The following TTC21A variants were observed in gnomAD, a reference collection of about 807,000 sequenced individuals.
TTC21A encodes tetratricopeptide repeat domain 21A.
A neutral mutation model predicts 156.4 loss-of-function variants in TTC21A; 128 were observed. The ratio of observed to expected loss-of-function variants is 0.82; its 90% CI spans 0.71 to 0.95. The LOEUF (loss-of-function observed/expected upper bound fraction) is 0.95. Among genes scored for constraint, TTC21A ranks in the 40% least tolerant of loss-of-function variants. TTC21A has a pLI of 0.00. For synonymous variants in TTC21A, 587 were observed against 617.1 expected (o/e 0.95, Z 0.72); for missense variants, 1,435 against 1,602.3 (o/e 0.90, Z 1.78).
intron 1 of TTC21A, 25 bp downstream of exon 1, chr3:39,107,889 G>A: frequency 1.2e-6 from 2 of 1,611,364 alleles, no homozygotes; most frequent in Non-Finnish European, 1.7e-6. Context: ...CGCTGTCCGA[G>A]GGCTCCCTCG....
chr3:39,112,413 T>C (rs2036912271), intron 4 of TTC21A, 45 bp from the exon 5 acceptor site: 1 of 1,606,258 alleles, frequency 6.2e-7, no homozygotes, highest in African/African-American at 1.3e-5. Flanking sequence ...GAGTTGATTC[T>C]GTGCAGGACC....
intron 13 of TTC21A, 39 bp downstream of exon 13, chr3:39,128,527 G>C: frequency 6.2e-7 from 1 of 1,612,374 alleles, no homozygotes; most frequent in Non-Finnish European, 8.5e-7. Flanking sequence ...CCAAAGCCCA[G>C]CTAGCTGTGG....
intron 6 of TTC21A, among the ~76,000 whole-genome samples, chr3:39,116,146 G>T (rs768121816): frequency 1.3e-5 from 2 of 152,254 alleles, no homozygotes; most frequent in Non-Finnish European, 2.9e-5. Context: ...GTGCCCATGT[G>T]CAGGGAGACA....
intron 1 of TTC21A, 71 bp downstream of exon 1, chr3:39,107,935 T>A (rs2036364166): frequency 1.1e-5 from 18 of 1,571,018 alleles, no homozygotes; most frequent in Admixed American, 5.1e-5. Context: ...CCGTCTGCCC[T>A]GCTACTCTCC....
intron 7 of TTC21A, 98 bp from the exon 8 acceptor site, chr3:39,119,824 T>C (rs2037606474): frequency 1.3e-6 from 1 of 799,040 alleles, no homozygotes; most frequent in South Asian, 1.7e-5. Context: ...ATTTTTTAAA[T>C]CTCCCAGCTG....
intron 5 of TTC21A, 66 bp downstream of exon 5, chr3:39,112,646 A>G (rs954874054): frequency 4.4e-6 from 7 of 1,587,470 alleles, no homozygotes; most frequent in Admixed American, 1.8e-5. Flanking sequence ...GAGACCCACC[A>G]GGTACCCCCA....
chr3:39,136,014 C>T (rs1469670216), intron 22 of TTC21A, among the ~76,000 whole-genome samples: 2 of 150,872 alleles, frequency 1.3e-5, no homozygotes, highest in Non-Finnish European at 2.9e-5. Context: ...GCCGAGATCA[C>T]GCCACTGCAC....
chr3:39,120,630 T>C (rs2037691528), intron 8 of TTC21A, among the ~76,000 whole-genome samples: 1 of 152,228 alleles, frequency 6.6e-6, no homozygotes, highest in African/African-American at 2.4e-5. Flanking sequence ...CTCTGCCTTG[T>C]TCTCCACACA....
intron 7 of TTC21A, chr3:39,119,097 T>C (rs1338990887): frequency 6.6e-6 from 1 of 152,228 alleles, no homozygotes; most frequent in Non-Finnish European, 1.5e-5. Flanking sequence ...AGACTTAGCA[T>C]TTAGCTAACT....
At position 39,128,952 on chromosome 3, in the gene TTC21A, C is replaced by T; in HGVS notation, c.1896+20C>T. On this transcript the variant is annotated intron_variant, in intron 14 of 28. Coordinates refer to ENST00000683103, the MANE Select transcript of TTC21A (RefSeq NM_001366900.1). ...GAGCTAGTAAGAAATGCCGTGCTCT[C>T]TTCCCTGGGGACTGGGGCACACTGG... 1 of 1,613,614 alleles carries T rather than the reference C, an allele frequency of 6.2e-7. No homozygotes were observed. The highest frequency in any genetic ancestry group is 2.2e-5 in the East Asian group (1 of 44,866).
intron 8 of TTC21A, 46 bp from the exon 9 acceptor site, chr3:39,120,951 G>C (rs1371883155): frequency 2.6e-6 from 4 of 1,542,810 alleles, no homozygotes; most frequent in Middle Eastern, 1.8e-4. Flanking sequence ...GCTCATACAG[G>C]CTGGACTGAC....
rs780177609 is a variant in TTC21A, at chr3:39,133,248, G to A, written c.2751+8G>A. Reference sequence around the variant, plus strand: ...TTGCCAACTGACAATAAGGTGAGTGGCCCTCAAAGCAAGAGGCTGCTTTCT... The same window carrying A: ...TTGCCAACTGACAATAAGGTGAGTGACCCTCAAAGCAAGAGGCTGCTTTCT... On this transcript the variant is annotated splice_region_variant and intron_variant, in intron 20 of 28. Transcript: ENST00000683103. 8 of 1,610,286 alleles carry A rather than the reference G, an allele frequency of 5.0e-6. No individual in the cohort carries two copies. The Admixed American group carries it at 1.3e-4, about 27-fold the overall frequency.
chr3:39,137,785 C>T, intron 26 of TTC21A, 75 bp downstream of exon 26: 1 of 1,478,300 alleles, frequency 6.8e-7, no homozygotes, highest in Non-Finnish European at 9.2e-7. Context: ...GTGAAGCAGG[C>T]TTTGCAGGTA....
intron 4 of TTC21A, among the ~76,000 whole-genome samples, chr3:39,112,225 A>G (rs1162829386): frequency 6.6e-6 from 1 of 152,106 alleles, no homozygotes; most frequent in Non-Finnish European, 1.5e-5. Flanking sequence ...GTGGTAATGG[A>G]CATTAGGTGA....
chr3:39,122,593 A>G (rs2125805389), intron 9 of TTC21A, among the ~76,000 whole-genome samples: 1 of 152,286 alleles, frequency 6.6e-6, no homozygotes, highest in Admixed American at 6.5e-5. Flanking sequence ...AGTGAGAGCG[A>G]TAATAGGAGG....
At chr3:39,138,113 G>T (rs568215044) in intron 26 of TTC21A, 154 bp from the exon 27 acceptor site, 14 of 1,120,816 alleles carry the variant, frequency 1.2e-5, no homozygotes, top group Admixed American at 7.4e-5. Context: ...TTCTTGCAAA[G>T]GTTGGGGTAC....
intron 3 of TTC21A, 142 bp from the exon 4 acceptor site, chr3:39,110,709 C>A: frequency 1.2e-6 from 1 of 815,652 alleles, no homozygotes; most frequent in Non-Finnish European, 1.9e-6. Flanking sequence ...GGGCTGCATG[C>A]GGTGTGCTGC....
intron 5 of TTC21A, among the ~76,000 whole-genome samples, chr3:39,113,344 T>C (rs1343811665): frequency 1.3e-5 from 2 of 152,208 alleles, no homozygotes; most frequent in Non-Finnish European, 2.9e-5. Context: ...CAGAGCACCC[T>C]TGGGGCCAGC....
In TTC21A at chr3:39,134,709, A is replaced by C; in HGVS notation, c.2862+381A>C. ...CCTCCTCTAGGGCTGGCCCAGGAGC[A>C]GAAGCTGAGCCCTTGCAGAGCAAGG... On this transcript the variant is annotated intron_variant, in intron 21 of 28. Transcript: ENST00000683103. The surrounding 1 kb of genome is among the most constrained non-coding windows in gnomAD (Gnocchi z 4.6). 1 of 468,014 alleles carries C rather than the reference A, an allele frequency of 2.1e-6. No individual in the cohort carries two copies. The allele number at this position is 468,014 out of a possible 1,614,324, so 29.0% of individuals were successfully genotyped here.
Sources: gnomAD v4.1 joint callset for allele counts (sites outside exome capture counted in the v4.1 genomes callset) on GRCh38, gnomAD v4.1.1 for gene constraint, Gnocchi (gnomAD v3.1) non-coding constraint, MANE v1.5 for transcripts, NCBI Gene and HGNC (gene_info 2026-07-23, HGNC 2026-07-21) for gene names.